The following NUBPL variants were observed in gnomAD, a reference collection of about 807,000 sequenced individuals.
NUBPL encodes NUBP iron-sulfur cluster assembly factor, mitochondrial.
In NUBPL, 31 loss-of-function variants were observed where a neutral mutation model predicts 45.7. The ratio of observed to expected loss-of-function variants is 0.68; its 90% CI spans 0.51 to 0.92. The LOEUF (loss-of-function observed/expected upper bound fraction) is 0.92. Ranked by LOEUF, NUBPL falls within the 40% of genes least tolerant of loss-of-function variation. The pLI is 0.00. For synonymous variants in NUBPL, 144 were observed against 140.9 expected (o/e 1.02, Z -0.15); for missense variants, 401 against 398.7 (o/e 1.01, Z -0.05).
Position 31,718,910 on chromosome 14 carries a change from C to A in NUBPL, c.513+45336C>A, listed in dbSNP as rs536135895. Reference sequence around the variant, plus strand: ...CAGAATAAATCTCTTTTTTGCATGACTACACAGAATAAAATAGAGATGCAT... The same window carrying A: ...CAGAATAAATCTCTTTTTTGCATGAATACACAGAATAAAATAGAGATGCAT... On this transcript the variant is annotated intron_variant, in intron 6 of 10. Transcript: ENST00000281081. Among the ~76,000 whole-genome samples, 9 of 152,220 alleles carry A rather than the reference C, an allele frequency of 5.9e-5. No individual in the cohort carries two copies. In the East Asian group the frequency reaches 1.7e-3, roughly 29 times the overall value.
rs1017810394 is a variant in NUBPL, at chr14:31,814,093, C to T, written c.608-12536C>T. Among the ~76,000 whole-genome samples, 4 of 152,292 alleles carry T rather than the reference C, an allele frequency of 2.6e-5. 1 individual carries two copies. The highest frequency in any genetic ancestry group is 4.1e-4 in the South Asian group (2 of 4,824). ...TCAATGGTATTTCTGGTTCTAGATC[C>T]TTGAGGAATCCCCACACTGTCTTCC... On this transcript the variant is annotated intron_variant, in intron 7 of 10. Coordinates refer to ENST00000281081, the MANE Select transcript of NUBPL (RefSeq NM_025152.3).
chr14:31,725,984 A>C (rs930809513), intron 6 of NUBPL, among the ~76,000 whole-genome samples: 3 of 152,162 alleles, frequency 2.0e-5, no homozygotes, highest in Non-Finnish European at 2.9e-5. Flanking sequence ...TCCTGGGATT[A>C]CAGGTGTGAG....
chr14:31,572,217 G>T, intron 3 of NUBPL, among the ~76,000 whole-genome samples: 1 of 151,788 alleles, frequency 6.6e-6, no homozygotes, highest in East Asian at 1.9e-4. Flanking sequence ...TTGGCTCACT[G>T]CAATCTCCGC....
rs756704678 is a variant in NUBPL, at chr14:31,673,386, T to TA, written c.415dup (p.Ile139AsnfsTer11). The TA allele has an allele frequency of 4.4e-6, 7 of 1,608,646 alleles. No individual in the cohort carries two copies. The highest frequency in any genetic ancestry group is 5.9e-6 in the Non-Finnish European group (7 of 1,176,730). ...TAATGAGGCCTCTCTTGAATTATGG[T>TA]ATTGCTTGGTGAGCATATATATATT... On this transcript the variant is annotated frameshift_variant, in exon 5 of 11. Coordinates refer to ENST00000281081, the MANE Select transcript of NUBPL (RefSeq NM_025152.3). LOFTEE classifies it high-confidence loss of function.
chr14:31,705,710 C>T (rs1418362928), intron 6 of NUBPL, among the ~76,000 whole-genome samples: 1 of 152,062 alleles, frequency 6.6e-6, no homozygotes, highest in Non-Finnish European at 1.5e-5. Flanking sequence ...GGTGCATTTA[C>T]AAACCTTTAG....
In NUBPL at chr14:31,827,978, G is replaced by A. The variant is rs569586468; in HGVS notation, c.693+1264G>A. ...AGCACAGTGCTGTGGGTATTGGCAA[G>A]CTGAGGAACTCTGGGTTGGATTGAC... On this transcript the variant is annotated intron_variant, in intron 8 of 10. Coordinates refer to ENST00000281081, the MANE Select transcript of NUBPL (RefSeq NM_025152.3). 1.1e-3 allele frequency among the ~76,000 whole-genome samples: 171 copies of A among 152,300 alleles called. No homozygotes were observed. The Middle Eastern group carries it at 0.014, about 12-fold the overall frequency.
At chr14:31,719,782 T>G (rs923708069) in intron 6 of NUBPL, among the ~76,000 whole-genome samples, 2 of 152,228 alleles carry the variant, frequency 1.3e-5, no homozygotes, top group African/African-American at 2.4e-5. Flanking sequence ...CCACTATTAA[T>G]TTTTTGGCAT....
chr14:31,770,129 C>A (rs557638803), intron 6 of NUBPL, among the ~76,000 whole-genome samples: 10 of 152,078 alleles, frequency 6.6e-5, no homozygotes, highest in Admixed American at 1.3e-4. Flanking sequence ...CCTGTAATTG[C>A]CTGGTGGGTT....
intron 7 of NUBPL, among the ~76,000 whole-genome samples, chr14:31,819,762 C>G (rs1299646724): frequency 6.6e-6 from 1 of 152,088 alleles, no homozygotes; most frequent in Non-Finnish European, 1.5e-5. Flanking sequence ...GATAGGAAGC[C>G]TTTTAAAAGG....
At chr14:31,817,332 G>A (rs1179886524) in intron 7 of NUBPL, among the ~76,000 whole-genome samples, 2 of 151,994 alleles carry the variant, frequency 1.3e-5, no homozygotes, top group African/African-American at 2.4e-5. Context: ...AGAGAACACT[G>A]CAAAGATACC....
At chr14:31,639,499 G>T (rs563664436) in intron 4 of NUBPL, among the ~76,000 whole-genome samples, 114 of 152,220 alleles carry the variant, frequency 7.5e-4, no homozygotes, top group Non-Finnish European at 1.5e-3. Flanking sequence ...CTACTGGGGG[G>T]TGCCTCCCAG....
In NUBPL at chr14:31,755,048, A is replaced by G. The variant is rs553740548; in HGVS notation, c.514-32732A>G. 3.9e-5 allele frequency among the ~76,000 whole-genome samples: 6 copies of G among 151,918 alleles called. No individual in the cohort carries two copies. In the South Asian group the frequency reaches 1.0e-3, roughly 26 times the overall value. On this transcript the variant is annotated intron_variant, in intron 6 of 10. Coordinates refer to ENST00000281081, the MANE Select transcript of NUBPL (RefSeq NM_025152.3). ...TGAACTCATCGTTTTTTATGGCTGC[A>G]TAGTATTCCATGGTGTATATGTGCC...
rs535337092 is a variant in NUBPL, at chr14:31,580,796, A to G, written c.291+15748A>G. 3.9e-5 allele frequency among the ~76,000 whole-genome samples: 6 copies of G among 152,330 alleles called. No homozygotes were observed. In the South Asian group the frequency reaches 1.2e-3, roughly 32 times the overall value. ...TGGATTATATGAAGTGTTTTTATAA[A>G]TGGGAGGAAAGCCTCATGAACAGAA... On this transcript the variant is annotated intron_variant, in intron 3 of 10. Transcript: ENST00000281081.
At chr14:31,720,734 T>G (rs963739920) in intron 6 of NUBPL, among the ~76,000 whole-genome samples, 1 of 152,146 alleles carries the variant, frequency 6.6e-6, no homozygotes, top group Non-Finnish European at 1.5e-5. Context: ...GTAAAAAAAA[T>G]TCAGTTCATC....
chr14:31,787,727 A>G, intron 6 of NUBPL, 53 bp from the exon 7 acceptor site: 1 of 1,142,880 alleles, frequency 8.7e-7, no homozygotes, highest in Non-Finnish European at 1.3e-6. Flanking sequence ...TGTTTACATC[A>G]CTATTCAACA....
intron 4 of NUBPL, among the ~76,000 whole-genome samples, chr14:31,615,622 T>C (rs952257031): frequency 2.6e-5 from 4 of 152,222 alleles, no homozygotes; most frequent in African/African-American, 7.2e-5. Context: ...GCAAAGGACA[T>C]GAACTCACCT....
intron 7 of NUBPL, among the ~76,000 whole-genome samples, chr14:31,815,912 T>C (rs1168068747): frequency 6.6e-6 from 1 of 152,218 alleles, no homozygotes; most frequent in Non-Finnish European, 1.5e-5. Context: ...ATAAGCTTTT[T>C]TATGTGCTGC....
chr14:31,621,534 G>T (rs1227925555), intron 4 of NUBPL, among the ~76,000 whole-genome samples: 1 of 152,124 alleles, frequency 6.6e-6, no homozygotes, highest in Non-Finnish European at 1.5e-5. Context: ...TCCCTTGGCT[G>T]GGGGAGGGAA....
chr14:31,591,174 T>A (rs1350460721), intron 3 of NUBPL, among the ~76,000 whole-genome samples: 1 of 152,208 alleles, frequency 6.6e-6, no homozygotes, highest in Non-Finnish European at 1.5e-5. Context: ...TTTTCAAAGA[T>A]TTAGACAATG....
Sources: allele counts gnomAD v4.1 joint callset (sites outside exome capture counted in the v4.1 genomes callset), GRCh38; gene constraint gnomAD v4.1.1; transcripts MANE v1.5; gene names NCBI Gene and HGNC (gene_info 2026-07-23, HGNC 2026-07-21).